IK: variants seen among roughly 807,000 people sequenced by gnomAD.
IK encodes the protein IK cytokine, also known as protein Red.
Under a neutral mutation model 90.9 loss-of-function variants are expected in IK, and 47 were observed. The observed-to-expected ratio is 0.52, with a 90% CI of 0.41 to 0.66. The LOEUF is 0.66. Among genes scored for constraint, IK ranks in the 30% least tolerant of loss-of-function variants. The pLI is 0.00. For missense variants in IK, 385 were observed against 709.3 expected (o/e 0.54, Z 5.19); for synonymous variants, 201 against 227.5 (o/e 0.88, Z 1.05).
rs185280379 is a variant in IK, at chr5:140,647,831, A to C, written c.-78A>C. 1.3e-6 allele frequency: 2 copies of C among 1,559,058 alleles called. No individual in the cohort carries two copies. The highest frequency in any genetic ancestry group is 1.8e-6 in the Non-Finnish European group (2 of 1,129,646). ...GCAGTGTGGGTTGATTCTGAGGTGC[A>C]CTGTGGGAAAGAGCTTGTCGCTGCG... On this transcript the variant is annotated 5_prime_UTR_variant, in exon 1 of 20. Coordinates refer to ENST00000417647, the MANE Select transcript of IK (RefSeq NM_006083.4).
rs1757539720 is a variant in IK at position 140,648,547 on chromosome 5, T to C, written c.83+10T>C. On this transcript the variant is annotated intron_variant, in intron 2 of 19. Coordinates refer to ENST00000417647, the MANE Select transcript of IK (RefSeq NM_006083.4). The stretch of plus-strand genomic sequence containing the variant: ...CTCACTCCTTCCACCAGTGAGTATT[T>C]TGTGCTAGGACCATGGAAATGAGTT... 6.2e-7 allele frequency: 1 copy of C among 1,613,012 alleles called. No homozygotes were observed. The highest frequency in any genetic ancestry group is 8.5e-7 in the Non-Finnish European group (1 of 1,179,098).
chr5:140,657,421 T>TTTCACAGCACTTCGTTTCCCTCCC (rs1176196885), intron 9 of IK, 133 bp from the exon 10 acceptor site: 12 of 621,792 alleles, frequency 1.9e-5, no homozygotes, highest in African/African-American at 3.7e-5. Context: ...TGGAATATCC[T>TTTCACAGCACTTCGTTTCCCTCCC]TTCACAGCAC....
At chr5:140,662,101 G>T in intron 18 of IK, 78 bp from the exon 19 acceptor site, 1 of 1,594,894 alleles carries the variant, frequency 6.3e-7, no homozygotes, top group Non-Finnish European at 8.6e-7. Context: ...GAGAGCCATG[G>T]AAATGAGAGG....
At chr5:140,648,631 A>G (rs1354834004) in intron 2 of IK, 94 bp downstream of exon 2, 10 of 1,269,160 alleles carry the variant, frequency 7.9e-6, no homozygotes, top group Non-Finnish European at 1.2e-5. Context: ...CTTGTCATCA[A>G]GGATGGTAAA....
At chr5:140,662,098 A>T in intron 18 of IK, 81 bp from the exon 19 acceptor site, 5 of 1,593,084 alleles carry the variant, frequency 3.1e-6, no homozygotes, top group Non-Finnish European at 3.4e-6. Flanking sequence ...CTGGAGAGCC[A>T]TGGAAATGAG....
chr5:140,650,975 G>T (rs752949487), intron 2 of IK, among the ~76,000 whole-genome samples: 19 of 152,156 alleles, frequency 1.2e-4, no homozygotes, highest in African/African-American at 4.3e-4. Context: ...AATAAATGGA[G>T]TTGCTGGCTC....
intron 14 of IK, 48 bp downstream of exon 14, chr5:140,659,882 T>C: frequency 7.4e-7 from 1 of 1,346,404 alleles, no homozygotes; most frequent in African/African-American, 1.4e-5. Context: ...ACTGGTCTCT[T>C]TACTCCAACC....
intron 1 of IK, 115 bp from the exon 2 acceptor site, chr5:140,648,356 G>T: frequency 1.1e-6 from 1 of 921,636 alleles, no homozygotes; most frequent in South Asian, 1.3e-5. Context: ...ACATTGTGTT[G>T]ACACTGTCGC....
intron 12 of IK, 39 bp downstream of exon 12, chr5:140,659,203 C>T (rs1757761718): frequency 1.0e-5 from 16 of 1,600,990 alleles, no homozygotes; most frequent in African/African-American, 1.3e-5. Context: ...ATGGAGTTGC[C>T]CCTCTCTGGA....
chr5:140,654,976 A>AT (rs58326545), intron 8 of IK, among the ~76,000 whole-genome samples: 29 of 149,916 alleles, frequency 1.9e-4, no homozygotes, highest in South Asian at 1.9e-3. Flanking sequence ...TACCTAGCTA[A>AT]TTTTTTTTTT....
At chr5:140,654,807 C>T in intron 8 of IK, 80 bp downstream of exon 8, 1 of 911,930 alleles carries the variant, frequency 1.1e-6, no homozygotes, top group Non-Finnish European at 1.7e-6. Flanking sequence ...GGATATGCTT[C>T]TCCTTTCCCC....
chr5:140,650,502 T>C (rs553753889), intron 2 of IK, among the ~76,000 whole-genome samples: 7 of 152,328 alleles, frequency 4.6e-5, no homozygotes, highest in Admixed American at 3.9e-4. Flanking sequence ...TGTCTTTCCC[T>C]CTTTGGGAAA....
chr5:140,662,237 G>C (rs760655378), intron 19 of IK, 24 bp downstream of exon 19: 64 of 1,613,882 alleles, frequency 4.0e-5, no homozygotes, highest in Non-Finnish European at 5.3e-5. Context: ...TTCTTCCTCT[G>C]TGGGACTGGT....
At position 140,651,897 on chromosome 5, in the gene IK, C is replaced by T. The variant is rs1317406777; in HGVS notation, c.176+91C>T. On this transcript the variant is annotated intron_variant, in intron 3 of 19. Coordinates refer to ENST00000417647, the MANE Select transcript of IK (RefSeq NM_006083.4). ...TAAGTAGAATGACTTTTAATAGTCCCTCAGGTATTTATGATACTCTCTAAA... is the reference window on the plus strand; with the variant it reads ...TAAGTAGAATGACTTTTAATAGTCCTTCAGGTATTTATGATACTCTCTAAA... The T allele has an allele frequency of 3.3e-6, 3 of 900,020 alleles. No individual in the cohort carries two copies. The Admixed American group carries it at 6.1e-5, about 18-fold the overall frequency. 55.8% of individuals were successfully genotyped at this position (900,020 alleles called of 1,614,324 possible). A position where few individuals can be genotyped will look rare whatever the true frequency, so the allele number is the denominator to read the frequency against.
intron 10 of IK, 158 bp downstream of exon 10, chr5:140,657,820 C>T: frequency 1.7e-6 from 1 of 590,500 alleles, no homozygotes; most frequent in South Asian, 2.2e-5. Context: ...CAGTTACAGC[C>T]AGATTCTGTC....
Position 140,659,896 on chromosome 5 carries a change from C to A in IK, c.1274+62C>A, listed in dbSNP as rs149437610. Reference sequence around the variant, plus strand: ...AACTGGTCTCTTTACTCCAACCCCCCCTGCCTCCCTGCTCCCTCCTACCCT... The same window carrying A: ...AACTGGTCTCTTTACTCCAACCCCCACTGCCTCCCTGCTCCCTCCTACCCT... On this transcript the variant is annotated intron_variant, in intron 14 of 19. Transcript: ENST00000417647. 850 of 1,161,320 alleles carry A rather than the reference C, an allele frequency of 7.3e-4. 4 individuals are homozygous for A. In the African/African-American group the frequency reaches 0.01, roughly 14 times the overall value. The allele number at this position is 1,161,320 out of a possible 1,614,324, so 71.9% of individuals were successfully genotyped here. A position where few individuals can be genotyped will look rare whatever the true frequency, so the allele number is the denominator to read the frequency against.
Position 140,661,772 on chromosome 5 carries a change from A to G in IK, c.1502+64A>G. On this transcript the variant is annotated intron_variant, in intron 17 of 19. Coordinates refer to ENST00000417647, the MANE Select transcript of IK (RefSeq NM_006083.4). The surrounding 1 kb of genome is among the most constrained non-coding windows in gnomAD (Gnocchi z 4.2). ...GTGTGGGGATTTGGTGGAATAGTGCATATAAGGTTAGAGGGTGTGGTCTGG... is the reference window on the plus strand; with the variant it reads ...GTGTGGGGATTTGGTGGAATAGTGCGTATAAGGTTAGAGGGTGTGGTCTGG... 1.4e-6 allele frequency: 2 copies of G among 1,424,272 alleles called. No homozygotes were observed. Among genetic ancestry groups the G allele is most frequent in the East Asian group, 2.4e-5 (1 of 41,260 alleles). 88.2% of individuals were successfully genotyped at this position (1,424,272 alleles called of 1,614,324 possible). A position where few individuals can be genotyped will look rare whatever the true frequency, so the allele number is the denominator to read the frequency against.
At chr5:140,658,575 C>T (rs911490931) in intron 10 of IK, among the ~76,000 whole-genome samples, 162 bp from the exon 11 acceptor site, 1 of 152,222 alleles carries the variant, frequency 6.6e-6, no homozygotes, top group Non-Finnish European at 1.5e-5. Context: ...CCGCCTTGGC[C>T]TCCCGAAGTG....
At chr5:140,649,375 AT>A (rs58005216) in intron 2 of IK, among the ~76,000 whole-genome samples, 30 of 145,876 alleles carry the variant, frequency 2.1e-4, no homozygotes, top group Non-Finnish European at 2.0e-4. Flanking sequence ...TGCACGACTG[AT>A]TTTTTTTTTT....
Sources: allele counts gnomAD v4.1 joint callset (sites outside exome capture counted in the v4.1 genomes callset), GRCh38; gene constraint gnomAD v4.1.1; non-coding constraint Gnocchi (gnomAD v3.1); transcripts MANE v1.5; gene names NCBI Gene and HGNC (gene_info 2026-07-23, HGNC 2026-07-21).